LUZP2: variants seen among roughly 807,000 people sequenced by gnomAD.
LUZP2 encodes leucine zipper protein 2.
A neutral mutation model predicts 51.6 loss-of-function variants in LUZP2; 52 were observed. The ratio of observed to expected loss-of-function variants is 1.01; its 90% CI spans 0.81 to 1.27. The LOEUF is 1.27. Among genes scored for constraint, LUZP2 ranks in the 50% most tolerant of loss-of-function variants. LUZP2 has a pLI of 0.00. For missense variants in LUZP2, 436 were observed against 395.4 expected (o/e 1.10, Z -0.87); for synonymous variants, 154 against 137.3 (o/e 1.12, Z -0.85).
intron 7 of LUZP2, among the ~76,000 whole-genome samples, chr11:24,967,409 A>T (rs909409856): frequency 6.6e-6 from 1 of 151,910 alleles, no homozygotes; most frequent in African/African-American, 2.4e-5. Flanking sequence ...GTAATTTTCA[A>T]CACAAATGTT....
chr11:24,727,661 T>A (rs1858529663), intron 1 of LUZP2, among the ~76,000 whole-genome samples: 1 of 152,064 alleles, frequency 6.6e-6, no homozygotes, highest in African/African-American at 2.4e-5. Context: ...TGTTTATTAT[T>A]TAACTTTGCC....
chr11:24,534,955 AT>A (rs1348258196), intron 1 of LUZP2, among the ~76,000 whole-genome samples: 1 of 151,374 alleles, frequency 6.6e-6, no homozygotes, highest in Non-Finnish European at 1.5e-5. Flanking sequence ...TGTCTTGGAG[AT>A]ATTGTGGGTT....
intron 5 of LUZP2, among the ~76,000 whole-genome samples, chr11:24,832,399 T>A (rs989865100): frequency 6.6e-6 from 1 of 151,954 alleles, no homozygotes; most frequent in Admixed American, 6.6e-5. Context: ...GGTAATAAAA[T>A]AGATATTATT....
At chr11:25,021,539 G>T (rs1857333651) in intron 9 of LUZP2, among the ~76,000 whole-genome samples, 1 of 151,848 alleles carries the variant, frequency 6.6e-6, no homozygotes, top group African/African-American at 2.4e-5. Context: ...GACAGTAGGT[G>T]CTTGAGATCA....
chr11:25,044,903 T>C (rs1410914560), intron 9 of LUZP2, among the ~76,000 whole-genome samples: 2 of 151,922 alleles, frequency 1.3e-5, no homozygotes, highest in Non-Finnish European at 2.9e-5. Context: ...GATCATGTCC[T>C]TTGTAGGGAA....
At chr11:25,018,574 A>G (rs1035187159) in intron 9 of LUZP2, among the ~76,000 whole-genome samples, 5 of 149,626 alleles carry the variant, frequency 3.3e-5, no homozygotes, top group African/African-American at 1.2e-4. Flanking sequence ...GAGCTATAAT[A>G]TAATACTATC....
chr11:24,964,406 C>T (rs1384281384), intron 7 of LUZP2, among the ~76,000 whole-genome samples: 3 of 152,046 alleles, frequency 2.0e-5, no homozygotes, highest in Non-Finnish European at 2.9e-5. Flanking sequence ...AATATAGAAA[C>T]AGCAAGTTTT....
intron 10 of LUZP2, among the ~76,000 whole-genome samples, chr11:25,072,090 G>T (rs979671221): frequency 2.6e-5 from 4 of 151,996 alleles, no homozygotes; most frequent in Non-Finnish European, 4.4e-5. Context: ...CAAGGATATT[G>T]CAGAACTTCC....
chr11:25,042,975 G>A (rs1330314399), intron 9 of LUZP2, among the ~76,000 whole-genome samples: 1 of 152,098 alleles, frequency 6.6e-6, no homozygotes, highest in African/African-American at 2.4e-5. Flanking sequence ...CATAATGGTG[G>A]GAGCATGATC....
chr11:24,640,733 T>C (rs1349301501), intron 1 of LUZP2, among the ~76,000 whole-genome samples: 3 of 151,836 alleles, frequency 2.0e-5, no homozygotes, highest in Non-Finnish European at 2.9e-5. Context: ...GTTATGTAGA[T>C]AAGCATTAGG....
intron 9 of LUZP2, among the ~76,000 whole-genome samples, chr11:24,992,049 T>C (rs1285831071): frequency 6.6e-6 from 1 of 152,048 alleles, no homozygotes; most frequent in African/African-American, 2.4e-5. Context: ...GTTCCTTTTG[T>C]GGTGCAAAAG....
rs1590523638 is a variant in LUZP2, at chr11:24,786,037, T to C, written c.396+22729T>C. 6 of 985,186 alleles carry C rather than the reference T, an allele frequency of 6.1e-6. No individual in the cohort carries two copies. The South Asian group carries it at 1.9e-4, about 31-fold the overall frequency. 61.0% of individuals were successfully genotyped at this position (985,186 alleles called of 1,614,324 possible). On this transcript the variant is annotated intron_variant, in intron 5 of 11. Coordinates refer to ENST00000336930, the MANE Select transcript of LUZP2 (RefSeq NM_001009909.4). ...AGAGTTGGGGCACCGAGTACATCAA[T>C]GTATTAACTCATCTTTGCTGGTGGG...
At chr11:25,059,187 A>G (rs1292664888) in intron 10 of LUZP2, among the ~76,000 whole-genome samples, 1 of 152,198 alleles carries the variant, frequency 6.6e-6, no homozygotes, top group African/African-American at 2.4e-5. Flanking sequence ...TAAGATCATA[A>G]GAGACATGAC....
At chr11:24,710,958 AGGGAG>A (rs1857792537) in intron 1 of LUZP2, among the ~76,000 whole-genome samples, 1 of 112,450 alleles carries the variant, frequency 8.9e-6, no homozygotes, top group African/African-American at 3.4e-5. Flanking sequence ...GAAAGGAGGG[AGGGAG>A]GGGAGGGGAG....
chr11:24,766,243 A>C (rs906600301), intron 5 of LUZP2, among the ~76,000 whole-genome samples: 5 of 152,120 alleles, frequency 3.3e-5, no homozygotes, highest in African/African-American at 1.2e-4. Context: ...TTTTTTATGA[A>C]ATATTCAAGT....
chr11:24,739,156 G>C (rs1859045455), intron 4 of LUZP2, among the ~76,000 whole-genome samples: 1 of 152,084 alleles, frequency 6.6e-6, no homozygotes, highest in African/African-American at 2.4e-5. Flanking sequence ...GAGGCAGAGG[G>C]AGAGGAGGAA....
At chr11:24,585,272 C>T (rs1165532915) in intron 1 of LUZP2, among the ~76,000 whole-genome samples, 1 of 152,014 alleles carries the variant, frequency 6.6e-6, no homozygotes, top group Non-Finnish European at 1.5e-5. Context: ...AAGAGGACCT[C>T]ACTATTGTTT....
At chr11:25,051,210 G>A (rs989513240) in intron 10 of LUZP2, among the ~76,000 whole-genome samples, 1 of 152,178 alleles carries the variant, frequency 6.6e-6, no homozygotes, top group African/African-American at 2.4e-5. Context: ...CCAACTACTC[G>A]GGAGGCTGAG....
At chr11:24,729,003 G>A (rs1314960865) in intron 1 of LUZP2, 166 bp from the exon 2 acceptor site, 1 of 412,274 alleles carries the variant, frequency 2.4e-6, no homozygotes, top group African/African-American at 2.0e-5. Flanking sequence ...TTATAAAATG[G>A]GGTTTTCAAT....
Sources: gnomAD v4.1 joint callset for allele counts (sites outside exome capture counted in the v4.1 genomes callset) on GRCh38, gnomAD v4.1.1 for gene constraint, MANE v1.5 for transcripts, NCBI Gene and HGNC (gene_info 2026-07-23, HGNC 2026-07-21) for gene names.